The following ICE1 variants were observed in gnomAD, a reference collection of about 807,000 sequenced individuals.
The protein encoded by ICE1 is little elongation complex subunit 1.
Under a neutral mutation model 192.7 loss-of-function variants are expected in ICE1, and 64 were observed. That is an observed-to-expected ratio of 0.33 (90% CI 0.27 to 0.41). The LOEUF (loss-of-function observed/expected upper bound fraction) is 0.41, where lower values mean the gene tolerates loss of function less well. Ranked by LOEUF, ICE1 falls within the 10% of genes least tolerant of loss-of-function variation. ICE1 has a pLI of 1.00. For missense variants in ICE1, 2,708 were observed against 2,696.0 expected (o/e 1.00, Z -0.10); for synonymous variants, 1,010 against 984.5 (o/e 1.03, Z -0.49).
At position 5,424,398 on chromosome 5, in the gene ICE1, C is replaced by T. The variant is rs182370087; in HGVS notation, c.84+1399C>T. On this transcript the variant is annotated intron_variant, in intron 1 of 18. Coordinates refer to ENST00000296564, the MANE Select transcript of ICE1 (RefSeq NM_015325.3). ...CCCCCCCGCCCCCGCCACCACCACC[C>T]CAGGAACGTGATTGGAGTTCTCCCG... Among the ~76,000 whole-genome samples the T allele has an allele frequency of 2.0e-5, 3 of 152,090 alleles. No homozygotes were observed. In the East Asian group the frequency reaches 5.8e-4, roughly 29 times the overall value.
At position 5,462,050 on chromosome 5, in the gene ICE1, G is replaced by T; in HGVS notation, c.2716G>T (p.Gly906Trp). Reference sequence around the variant, plus strand: ...TATGTCAACTGTAGCAAAATGTGATGGGGAAAGAGATGATACAACACAAAA... The same window carrying T: ...TATGTCAACTGTAGCAAAATGTGATTGGGAAAGAGATGATACAACACAAAA... ...TGMSTVAKCD[G>W]ERDDTTQNIT... Residue 906 changes from glycine (G) to tryptophan (W), a missense_variant, in exon 13 of 19, where the codon GGG (glycine) becomes TGG (tryptophan). Around this residue, in one of 2 missense-constraint regions of ICE1, gnomAD observed 2,366 missense variants for 2,276.6 expected, o/e 1.04. Transcript: ENST00000296564. 6.2e-7 allele frequency: 1 copy of T among 1,613,960 alleles called. No homozygotes were observed. The highest frequency in any genetic ancestry group is 2.2e-5 in the East Asian group (1 of 44,876).
intron 16 of ICE1, 147 bp from the exon 17 acceptor site, chr5:5,475,826 G>A: frequency 1.6e-6 from 1 of 609,606 alleles, no homozygotes; most frequent in Non-Finnish European, 2.9e-6. Context: ...GAAGATGTGA[G>A]CATCCAGTAT....
At chr5:5,434,699 A>G (rs1226638445) in intron 1 of ICE1, among the ~76,000 whole-genome samples, 1 of 152,176 alleles carries the variant, frequency 6.6e-6, no homozygotes, top group African/African-American at 2.4e-5. Context: ...TGCGTAGAGG[A>G]AAAATAGAAA....
rs1302774892 is a variant in ICE1 at position 5,468,865 on chromosome 5, A to G, written c.6099A>G (p.Ala2033=). Residue 2033 remains alanine (A), a synonymous_variant, in exon 15 of 19, where the codon GCA becomes GCG. Transcript: ENST00000296564. ...CTGAAAAATTAACTTTGTTTATTGC[A>G]AACATGTGGCATGATATATTTCTCT... ...PESEKLTLFI[A]NMWHDIFLSQ... The G allele has an allele frequency of 6.3e-7, 1 of 1,590,070 alleles. No individual in the cohort carries two copies. Among genetic ancestry groups the G allele is most frequent in the Non-Finnish European group, 8.5e-7 (1 of 1,171,504 alleles).
intron 13 of ICE1, among the ~76,000 whole-genome samples, chr5:5,465,516 G>A (rs952255593): frequency 9.2e-5 from 14 of 152,044 alleles, no homozygotes; most frequent in African/African-American, 2.7e-4. Context: ...CATGTTTAGA[G>A]GCTTAAAATT....
At chr5:5,451,004 GT>G (rs1738399884) in intron 10 of ICE1, among the ~76,000 whole-genome samples, 1 of 152,150 alleles carries the variant, frequency 6.6e-6, no homozygotes, top group Non-Finnish European at 1.5e-5. Context: ...CACACCTGGA[GT>G]TTGTTAAAAT....
At chr5:5,469,288 A>C (rs868765688) in intron 15 of ICE1, among the ~76,000 whole-genome samples, 2 of 152,232 alleles carry the variant, frequency 1.3e-5, no homozygotes, top group Non-Finnish European at 2.9e-5. Context: ...GAGAAGCTAC[A>C]AAATTATTTG....
rs576733027 is a variant in ICE1 at position 5,462,061 on chromosome 5, T to C, written c.2727T>C (p.Asp909=). Reference sequence around the variant, plus strand: ...TAGCAAAATGTGATGGGGAAAGAGATGATACAACACAAAACATCACGGAGG... The same window carrying C: ...TAGCAAAATGTGATGGGGAAAGAGACGATACAACACAAAACATCACGGAGG... The part of the protein sequence containing the change: ...STVAKCDGER[D]DTTQNITEVA... Residue 909 remains aspartate, a synonymous_variant, in exon 13 of 19, where the codon GAT becomes GAC. Transcript: ENST00000296564. 5.0e-6 allele frequency: 8 copies of C among 1,613,806 alleles called. No individual in the cohort carries two copies. The highest frequency in any genetic ancestry group is 6.8e-6 in the Non-Finnish European group (8 of 1,179,894).
intron 3 of ICE1, among the ~76,000 whole-genome samples, chr5:5,438,207 G>A (rs527937548): frequency 8.5e-5 from 13 of 152,306 alleles, no homozygotes; most frequent in East Asian, 5.8e-4. Flanking sequence ...ATCAGATCTC[G>A]TGGGAACTCA....
intron 10 of ICE1, 37 bp downstream of exon 10, chr5:5,447,934 T>C (rs1738288930): frequency 6.8e-7 from 1 of 1,467,532 alleles, no homozygotes; most frequent in African/African-American, 1.4e-5. Flanking sequence ...ATGTTGTGTA[T>C]TGCTCTTAGT....
In ICE1 at chr5:5,484,430, C is replaced by T. The variant is rs532999115; in HGVS notation, c.6521-2291C>T. On this transcript the variant is annotated intron_variant, in intron 17 of 18. Coordinates refer to ENST00000296564, the MANE Select transcript of ICE1 (RefSeq NM_015325.3). ...TGCTGTTAGTCATACAGTTAATATC[C>T]GTGGTAGATTGTTCCAGAGGACAGA... Among the ~76,000 whole-genome samples the T allele has an allele frequency of 2.4e-4, 36 of 152,218 alleles. No individual in the cohort carries two copies. The South Asian group carries it at 5.4e-3, about 23-fold the overall frequency.
intron 5 of ICE1, among the ~76,000 whole-genome samples, chr5:5,441,957 G>A (rs1027427979): frequency 6.6e-6 from 1 of 152,110 alleles, no homozygotes; most frequent in Non-Finnish European, 1.5e-5. Context: ...TTCTTTTAGG[G>A]CATGTTCGAT....
At chr5:5,474,716 G>A (rs567254554) in intron 16 of ICE1, among the ~76,000 whole-genome samples, 1 of 152,240 alleles carries the variant, frequency 6.6e-6, no homozygotes, top group South Asian at 2.1e-4. Context: ...CTGGTTTAAG[G>A]GAGTTGGTGA....
chr5:5,489,194 A>C lies in ICE1; in HGVS notation c.6665A>C (p.Asp2222Ala). ...TTAGCAGCCGTGTATGCTCTTTGTG[A>C]CTTGAGTCCCAGCAATCCAGCAGAA... ...IQLAAVYALCDLSPSNPAEIS... is the reference protein window; with the variant it reads ...IQLAAVYALCALSPSNPAEIS... The change falls in exon 19 of 19, where the codon GAC (aspartate) becomes GCC (alanine). Residue 2222 changes from aspartate (D) to alanine (A), a missense_variant. Coordinates refer to ENST00000296564, the MANE Select transcript of ICE1 (RefSeq NM_015325.3). The C allele has an allele frequency of 6.8e-6, 11 of 1,613,900 alleles. No homozygotes were observed. The highest frequency in any genetic ancestry group is 9.3e-6 in the Non-Finnish European group (11 of 1,179,872).
intron 17 of ICE1, among the ~76,000 whole-genome samples, chr5:5,478,866 A>G (rs577861346): frequency 6.6e-6 from 1 of 152,352 alleles, no homozygotes; most frequent in Admixed American, 6.5e-5. Context: ...CCTATTTATT[A>G]AATGGTGCTG....
Position 5,461,824 on chromosome 5 carries a change from A to G in ICE1, c.2490A>G (p.Gly830=), listed in dbSNP as rs776175406. 5 of 1,613,908 alleles carry G rather than the reference A, an allele frequency of 3.1e-6. No individual in the cohort carries two copies. Among genetic ancestry groups the G allele is most frequent in the Non-Finnish European group, 3.4e-6 (4 of 1,179,916 alleles). The change falls in exon 13 of 19, where the codon GGA becomes GGG. Residue 830 remains glycine, a synonymous_variant. Coordinates refer to ENST00000296564, the MANE Select transcript of ICE1 (RefSeq NM_015325.3). The stretch of plus-strand genomic sequence containing the variant: ...CAATGCCATTCCTACAAAATAGAGG[A>G]CCAACACCCAAGCCTGATCTTCTTA... ...QKAMPFLQNR[G]PTPKPDLLRE...
chr5:5,467,059 T>C (rs1408221612), intron 14 of ICE1, among the ~76,000 whole-genome samples: 1 of 152,230 alleles, frequency 6.6e-6, no homozygotes, highest in Non-Finnish European at 1.5e-5. Flanking sequence ...TAGTATCGTA[T>C]CAGTCTTATC....
chr5:5,475,948 A>G (rs748049965), intron 16 of ICE1, 25 bp from the exon 17 acceptor site: 59 of 1,379,858 alleles, frequency 4.3e-5, no homozygotes, highest in Non-Finnish European at 4.1e-5. Context: ...ATGAGCATAC[A>G]TCTTTTCATG....
chr5:5,461,728 G>A lies in ICE1; in HGVS notation c.2394G>A (p.Arg798=), dbSNP rs2111378305. Reference sequence around the variant, plus strand: ...CATGGCACCATAGTGATTTATTAAGGAAAGGTGGCGAAGAAAGTCTGAGAG... The same window carrying A: ...CATGGCACCATAGTGATTTATTAAGAAAAGGTGGCGAAGAAAGTCTGAGAG... The part of the protein sequence containing the change: ...STSWHHSDLL[R]KGGEESLRAK... The change falls in exon 13 of 19, where the codon AGG becomes AGA. Residue 798 remains arginine, a synonymous_variant. Transcript: ENST00000296564. 2 of 1,613,708 alleles carry A rather than the reference G, an allele frequency of 1.2e-6. No homozygotes were observed. The highest frequency in any genetic ancestry group is 1.3e-5 in the African/African-American group (1 of 75,038).
Sources: allele counts gnomAD v4.1 joint callset (sites outside exome capture counted in the v4.1 genomes callset), GRCh38; gene constraint gnomAD v4.1.1; regional missense constraint gnomAD v4.1.1; transcripts MANE v1.5; gene names NCBI Gene and HGNC (gene_info 2026-07-23, HGNC 2026-07-21).